Variants in ABHD3 observed in about 807,000 individuals in gnomAD.
ABHD3 encodes abhydrolase domain containing 3, phospholipase.
In ABHD3, 46 loss-of-function variants were observed where a neutral mutation model predicts 48.8. The ratio of observed to expected loss-of-function variants is 0.94; its 90% CI spans 0.74 to 1.20. ABHD3 has a LOEUF of 1.20. Among genes scored for constraint, ABHD3 ranks in the 50% most tolerant of loss-of-function variants. The pLI is 0.00. For synonymous variants in ABHD3, 192 were observed against 183.7 expected (o/e 1.04, Z -0.36); for missense variants, 490 against 497.8 (o/e 0.98, Z 0.15).
intron 3 of ABHD3, among the ~76,000 whole-genome samples, chr18:21,686,058 G>A (rs1012023562): frequency 1.3e-5 from 2 of 152,066 alleles, no homozygotes; most frequent in Non-Finnish European, 2.9e-5. Flanking sequence ...TGCCCAGGTT[G>A]GTCTCTAACT....
chr18:21,703,416 C>T (rs1454604970), intron 2 of ABHD3, among the ~76,000 whole-genome samples, 168 bp downstream of exon 2: 1 of 152,064 alleles, frequency 6.6e-6, no homozygotes, highest in Non-Finnish European at 1.5e-5. Context: ...GGGGTATTTT[C>T]CTGCAGCTGG....
At position 21,656,867 on chromosome 18, in the gene ABHD3, T is replaced by C. The variant is rs1568135698; in HGVS notation, c.1051A>G (p.Ser351Gly). 6.3e-7 allele frequency: 1 copy of C among 1,592,784 alleles called. No homozygotes were observed. The highest frequency in any genetic ancestry group is 1.7e-4 in the Middle Eastern group (1 of 5,982). The part of the protein sequence containing the change: ...LNSVDDVFSP[S>G]HAIPIETAKQ... ...ACAAATATGTTAATTTTACCATGACTGGGTGAGAAAACATCATCCACAGAA... is the reference window on the plus strand; with the variant it reads ...ACAAATATGTTAATTTTACCATGACCGGGTGAGAAAACATCATCCACAGAA... Residue 351 changes from serine to glycine, a missense_variant, in exon 8 of 9, where the codon AGT (serine) becomes GGT (glycine). By Grantham distance (56) the Ser-to-Gly change is moderately conservative. Coordinates refer to ENST00000289119, the MANE Select transcript of ABHD3 (RefSeq NM_138340.5).
chr18:21,691,157 G>A (rs767179678), intron 3 of ABHD3, among the ~76,000 whole-genome samples: 6 of 152,096 alleles, frequency 3.9e-5, no homozygotes, highest in Non-Finnish European at 4.4e-5. Context: ...ATAATATCAG[G>A]TAAAGCAAAC....
At position 21,651,583 on chromosome 18, in the gene ABHD3, A is replaced by C. The variant is rs1568132285; in HGVS notation, c.*8T>G. The stretch of plus-strand genomic sequence containing the variant: ...GGTTCAGACAAAATGCACCCAAAGA[A>C]CTACATGTTAAGAGAGTTCATGTCC... On this transcript the variant is annotated 3_prime_UTR_variant, in exon 9 of 9. Transcript: ENST00000289119. The C allele has an allele frequency of 6.2e-7, 1 of 1,613,604 alleles. No individual in the cohort carries two copies. The highest frequency in any genetic ancestry group is 8.5e-7 in the Non-Finnish European group (1 of 1,179,842).
chr18:21,660,416 C>T (rs945785837), intron 5 of ABHD3, among the ~76,000 whole-genome samples: 2 of 152,128 alleles, frequency 1.3e-5, no homozygotes, highest in African/African-American at 4.8e-5. Flanking sequence ...TGTTATTTGT[C>T]CTTATTTCCT....
chr18:21,652,781 GA>G (rs2039254435), intron 8 of ABHD3, among the ~76,000 whole-genome samples: 1 of 150,736 alleles, frequency 6.6e-6, no homozygotes, highest in South Asian at 2.1e-4. Flanking sequence ...CTAAAAAAAA[GA>G]AAGAGCTCAC....
intron 1 of ABHD3, 90 bp from the exon 2 acceptor site, chr18:21,703,837 G>C: frequency 2.8e-6 from 4 of 1,441,762 alleles, no homozygotes; most frequent in Non-Finnish European, 3.8e-6. Context: ...TCGCTCGCGC[G>C]CGCGCTTCCT....
intron 3 of ABHD3, among the ~76,000 whole-genome samples, chr18:21,689,046 GAAT>G (rs369726758): frequency 4.9e-4 from 74 of 152,170 alleles, no homozygotes; most frequent in African/African-American, 1.5e-3. Flanking sequence ...ACTTTCCATG[GAAT>G]AATAACTATA....
At chr18:21,666,387 T>C (rs1237913387) in intron 4 of ABHD3, among the ~76,000 whole-genome samples, 1 of 152,160 alleles carries the variant, frequency 6.6e-6, no homozygotes, top group Non-Finnish European at 1.5e-5. Context: ...AGAGATGGGG[T>C]TTCACCATGT....
At chr18:21,688,930 A>C (rs548506405) in intron 3 of ABHD3, among the ~76,000 whole-genome samples, 5 of 152,378 alleles carry the variant, frequency 3.3e-5, no homozygotes, top group African/African-American at 1.2e-4. Flanking sequence ...ATAAGAATGG[A>C]AAAACAGGTT....
At chr18:21,668,468 G>C (rs1372535561) in intron 4 of ABHD3, among the ~76,000 whole-genome samples, 1 of 152,034 alleles carries the variant, frequency 6.6e-6, no homozygotes, top group Non-Finnish European at 1.5e-5. Context: ...TACAGAGTTA[G>C]GGCATAAGAA....
intron 5 of ABHD3, among the ~76,000 whole-genome samples, chr18:21,659,668 T>TG (rs2039439798): frequency 6.6e-6 from 1 of 152,060 alleles, no homozygotes; most frequent in Non-Finnish European, 1.5e-5. Flanking sequence ...GAGTTTTTTT[T>TG]TTTTGTGTGT....
Position 21,702,490 on chromosome 18 carries a change from A to G in ABHD3, c.335T>C (p.Ile112Thr), listed in dbSNP as rs146226499. The G allele has an allele frequency of 6.3e-6, 10 of 1,596,802 alleles. No individual in the cohort carries two copies. The highest frequency in any genetic ancestry group is 2.2e-5 in the East Asian group (1 of 44,488). ...KPPVQYRNEL[I>T]KTADGGQISL... is the part of the protein sequence containing the mutation. ...AATCTGTCCTCCATCTGCAGTTTTAATAAGTTCACTGAAAGGAATAATTCA... is the reference window on the plus strand; with the variant it reads ...AATCTGTCCTCCATCTGCAGTTTTAGTAAGTTCACTGAAAGGAATAATTCA... The change falls in exon 3 of 9, where the codon ATT becomes ACT. Residue 112 changes from isoleucine (I) to threonine (T), a missense_variant. Coordinates refer to ENST00000289119, the MANE Select transcript of ABHD3 (RefSeq NM_138340.5).
At chr18:21,663,679 T>C (rs2146289792) in intron 5 of ABHD3, 1 of 1,535,378 alleles carries the variant, frequency 6.5e-7, no homozygotes, top group Admixed American at 2.0e-5. Flanking sequence ...AAATACCACC[T>C]GGGGAAAAAT....
intron 3 of ABHD3, among the ~76,000 whole-genome samples, chr18:21,690,123 A>T (rs8082957): frequency 0.33 from 49,062 of 148,452 alleles, 11,817 homozygotes; most frequent in African/African-American, 0.66. Context: ...TAAAGAATTT[A>T]AAAAAAAAAA....
chr18:21,680,923 T>A (rs1378692208), intron 4 of ABHD3, among the ~76,000 whole-genome samples: 2 of 151,566 alleles, frequency 1.3e-5, no homozygotes, highest in African/African-American at 4.9e-5. Context: ...AGACAGGGTT[T>A]CCATATGTTG....
At chr18:21,696,146 GTT>G (rs374370780) in intron 3 of ABHD3, among the ~76,000 whole-genome samples, 4 of 137,974 alleles carry the variant, frequency 2.9e-5, no homozygotes, top group Non-Finnish European at 1.6e-5. Flanking sequence ...TTTTCTCCTT[GTT>G]TTTTTTTTTT....
At chr18:21,686,494 T>C (rs541131352) in intron 3 of ABHD3, among the ~76,000 whole-genome samples, 2 of 152,318 alleles carry the variant, frequency 1.3e-5, no homozygotes, top group African/African-American at 2.4e-5. Context: ...TGCAAACTCA[T>C]GAAAAAGCAG....
chr18:21,668,242 A>G (rs2039683166), intron 4 of ABHD3, among the ~76,000 whole-genome samples: 1 of 151,086 alleles, frequency 6.6e-6, no homozygotes, highest in Non-Finnish European at 1.5e-5. Context: ...AAAAGAAAAT[A>G]TCTTCTACTA....
Sources: gnomAD v4.1 joint callset for allele counts (sites outside exome capture counted in the v4.1 genomes callset) on GRCh38, gnomAD v4.1.1 for gene constraint, MANE v1.5 for transcripts, NCBI Gene and HGNC (gene_info 2026-07-23, HGNC 2026-07-21) for gene names.